Variants in CNTNAP2 observed in about 807,000 individuals in gnomAD.
CNTNAP2 encodes the protein contactin associated protein 2, also known as contactin-associated protein-like 2.
CNTNAP2 carries 98 observed loss-of-function variants against 155.2 expected under a neutral mutation model. That is an observed-to-expected ratio of 0.63 (90% CI 0.54 to 0.75). The LOEUF is 0.75. CNTNAP2 is among the 30% of genes least tolerant of loss of function. The probability of loss-of-function intolerance (pLI) is 0.00; values close to 1 mark genes in which losing one functional copy is unlikely to be tolerated. For missense variants in CNTNAP2, 1,727 were observed against 1,688.1 expected (o/e 1.02, Z -0.40); for synonymous variants, 651 against 631.2 (o/e 1.03, Z -0.47).
intron 2 of CNTNAP2, among the ~76,000 whole-genome samples, chr7:146,828,121 C>T (rs1295059493): frequency 6.6e-6 from 1 of 151,914 alleles, no homozygotes; most frequent in Non-Finnish European, 1.5e-5. Flanking sequence ...GAGTAGCTGG[C>T]ATATAGACGT....
intron 14 of CNTNAP2, among the ~76,000 whole-genome samples, chr7:147,976,740 T>TC (rs1415075359): frequency 2.0e-5 from 3 of 152,138 alleles, no homozygotes; most frequent in Non-Finnish European, 4.4e-5. Context: ...AAGACAGGCC[T>TC]CCAAGTTGGT....
intron 3 of CNTNAP2, among the ~76,000 whole-genome samples, chr7:146,977,534 T>C (rs906689578): frequency 2.0e-5 from 3 of 152,162 alleles, no homozygotes; most frequent in African/African-American, 7.2e-5. Context: ...CCTAACACTC[T>C]GAAGGTGAAA....
Position 146,774,350 on chromosome 7 carries a change from T to A in CNTNAP2, c.177T>A (p.Ser59=). 6.2e-7 allele frequency: 1 copy of A among 1,613,994 alleles called. No homozygotes were observed. The stretch of plus-strand genomic sequence containing the variant: ...CCTCCTCCATCTCTGGTAGCTATTC[T>A]CCCGGCTATGCCAAGATAAACAAGA... ...SSSSSISGSY[S]PGYAKINKRG... The change falls in exon 2 of 24, where the codon TCT becomes TCA. Residue 59 remains serine (S), a synonymous_variant. Transcript: ENST00000361727.
chr7:147,231,271 T>G (rs558033285), intron 8 of CNTNAP2, among the ~76,000 whole-genome samples: 1 of 152,366 alleles, frequency 6.6e-6, no homozygotes, highest in African/African-American at 2.4e-5. Flanking sequence ...TGTTTCCTTC[T>G]TTTTTAAGGC....
intron 1 of CNTNAP2, among the ~76,000 whole-genome samples, chr7:146,273,638 C>G (rs1800119154): frequency 1.3e-5 from 2 of 152,120 alleles, no homozygotes; most frequent in Non-Finnish European, 2.9e-5. Context: ...TTTGTTCTCT[C>G]AGGGTATTTT....
At chr7:147,729,615 A>C (rs1383205075) in intron 13 of CNTNAP2, among the ~76,000 whole-genome samples, 9 of 152,182 alleles carry the variant, frequency 5.9e-5, no homozygotes. Context: ...TGTGTGGACC[A>C]CAGGATTTTG....
chr7:147,757,698 G>T (rs73475064), intron 13 of CNTNAP2, among the ~76,000 whole-genome samples: 10,049 of 152,032 alleles, frequency 0.066, 361 homozygotes, highest in African/African-American at 0.085. Flanking sequence ...ATACTCCATA[G>T]TTGGTTTCCT....
chr7:147,188,297 A>T (rs891540140), intron 8 of CNTNAP2, among the ~76,000 whole-genome samples: 70 of 152,274 alleles, frequency 4.6e-4, no homozygotes, highest in African/African-American at 1.7e-3. Flanking sequence ...CAGTGAAGGA[A>T]ATGTGTAGGA....
chr7:147,395,572 A>G (rs1563188260), intron 9 of CNTNAP2, 37 bp from the exon 10 acceptor site: 1 of 1,604,908 alleles, frequency 6.2e-7, no homozygotes, highest in Non-Finnish European at 8.5e-7. Context: ...GTTATACTGT[A>G]CACCAGATTT....
chr7:147,082,048 T>C (rs1375389459), intron 4 of CNTNAP2: 1 of 152,126 alleles, frequency 6.6e-6, no homozygotes, highest in Non-Finnish European at 1.5e-5. Context: ...CACTTATTCA[T>C]TGGTCTGTTC....
At position 147,738,125 on chromosome 7, in the gene CNTNAP2, A is replaced by G. The variant is rs558790232; in HGVS notation, c.2098+98819A>G. On this transcript the variant is annotated intron_variant, in intron 13 of 23. Coordinates refer to ENST00000361727, the MANE Select transcript of CNTNAP2 (RefSeq NM_014141.6). Reference sequence around the variant, plus strand: ...TTGTGTCACTTACGCTGGGAGCTGTAGACTGGAGCTGTTCCTATTCAGCCA... The same window carrying G: ...TTGTGTCACTTACGCTGGGAGCTGTGGACTGGAGCTGTTCCTATTCAGCCA... Among the ~76,000 whole-genome samples, 7 of 152,288 alleles carry G rather than the reference A, an allele frequency of 4.6e-5. No individual in the cohort carries two copies. The East Asian group carries it at 1.4e-3, about 29-fold the overall frequency.
intron 1 of CNTNAP2, among the ~76,000 whole-genome samples, chr7:146,645,908 A>G (rs1799803452): frequency 1.3e-5 from 2 of 152,168 alleles, no homozygotes; most frequent in East Asian, 3.9e-4. Flanking sequence ...AAAATGAGCA[A>G]TTTCTTTTTT....
chr7:147,999,539 G>T lies in CNTNAP2; in HGVS notation c.2383+21550G>T, dbSNP rs80117434. ...TTTCTGTTTTGCTTCATTTATAAGTGAATGAACAGTGATTGTTGTGGGTTG... is the reference window on the plus strand; with the variant it reads ...TTTCTGTTTTGCTTCATTTATAAGTTAATGAACAGTGATTGTTGTGGGTTG... On this transcript the variant is annotated intron_variant, in intron 15 of 23. Coordinates refer to ENST00000361727, the MANE Select transcript of CNTNAP2 (RefSeq NM_014141.6). 8.4e-4 allele frequency among the ~76,000 whole-genome samples: 128 copies of T among 152,306 alleles called. No individual in the cohort carries two copies. In the East Asian group the frequency reaches 0.022, roughly 26 times the overall value.
intron 9 of CNTNAP2, among the ~76,000 whole-genome samples, chr7:147,394,777 G>A (rs1055041608): frequency 1.3e-5 from 2 of 149,072 alleles, no homozygotes; most frequent in Non-Finnish European, 3.0e-5. Flanking sequence ...GTTGGTGTGG[G>A]CATTCTATTT....
chr7:148,217,240 G>A, intron 18 of CNTNAP2, 48 bp from the exon 19 acceptor site: 1 of 1,579,678 alleles, frequency 6.3e-7, no homozygotes, highest in African/African-American at 1.3e-5. Flanking sequence ...TAGGGTATCG[G>A]CATCAGACCT....
intron 13 of CNTNAP2, among the ~76,000 whole-genome samples, chr7:147,660,333 T>C (rs1163443628): frequency 6.6e-6 from 1 of 152,188 alleles, no homozygotes; most frequent in East Asian, 1.9e-4. Flanking sequence ...ACTCCACTTA[T>C]CCATAGAGAA....
At chr7:146,285,719 C>G (rs1430647434) in intron 1 of CNTNAP2, among the ~76,000 whole-genome samples, 1 of 44,172 alleles carries the variant, frequency 2.3e-5, no homozygotes, top group Non-Finnish European at 4.3e-5. Context: ...CCCTCCCCTC[C>G]CCTCCCTTCC....
At chr7:146,511,018 T>G (rs2129135266) in intron 1 of CNTNAP2, among the ~76,000 whole-genome samples, 2 of 152,216 alleles carry the variant, frequency 1.3e-5, no homozygotes, top group Middle Eastern at 3.4e-3. Flanking sequence ...TGCCTCAGCC[T>G]CCTGAGTAGC....
intron 1 of CNTNAP2, among the ~76,000 whole-genome samples, chr7:146,464,286 A>G (rs1464012134): frequency 6.7e-6 from 1 of 150,048 alleles, no homozygotes; most frequent in South Asian, 2.1e-4. Flanking sequence ...TTTTTAAGGC[A>G]GATTTATTGT....
Sources: allele counts gnomAD v4.1 joint callset (sites outside exome capture counted in the v4.1 genomes callset), GRCh38; gene constraint gnomAD v4.1.1; transcripts MANE v1.5; gene names NCBI Gene and HGNC (gene_info 2026-07-23, HGNC 2026-07-21).